Variants in SALL2 observed in about 807,000 individuals in gnomAD.
The protein encoded by SALL2 is spalt like transcription factor 2.
A neutral mutation model predicts 58.5 loss-of-function variants in SALL2; 32 were observed. The observed-to-expected ratio is 0.55, with a 90% confidence interval of 0.41 to 0.74. The LOEUF (loss-of-function observed/expected upper bound fraction) is 0.74. Among genes scored for constraint, SALL2 ranks in the 30% least tolerant of loss-of-function variants. The pLI is 0.00. For synonymous variants in SALL2, 516 were observed against 513.6 expected (o/e 1.00, Z -0.06); for missense variants, 1,201 against 1,268.9 (o/e 0.95, Z 0.81).
Position 21,522,784 on chromosome 14 carries a change from G to T in SALL2, c.2938C>A (p.Leu980Ile), listed in dbSNP as rs891757703. Residue 980 changes from leucine (L) to isoleucine (I), a missense_variant, in exon 2 of 2, where the codon CTA (leucine) becomes ATA (isoleucine). Leu to Ile is a conservative substitution (Grantham distance 5). Transcript: ENST00000537235. ...ATGGAAGGCGAACAGCCAGGGACTA[G>T]AGAAAGAGCAGCAATATTCTGAGGG... ...HGPQNIAALSLVPGCSPSITS... is the reference protein window; with the variant it reads ...HGPQNIAALSIVPGCSPSITS... 1.3e-6 allele frequency: 2 copies of T among 1,594,546 alleles called. No individual in the cohort carries two copies. The highest frequency in any genetic ancestry group is 2.7e-5 in the African/African-American group (2 of 74,192).
Position 21,524,678 on chromosome 14 carries a change from T to C in SALL2, c.1044A>G (p.Pro348=). 6.2e-7 allele frequency: 1 copy of C among 1,614,088 alleles called. No individual in the cohort carries two copies. Among genetic ancestry groups the C allele is most frequent in the Non-Finnish European group, 8.5e-7 (1 of 1,180,026 alleles). Residue 348 remains proline, a synonymous_variant, in exon 2 of 2, where the codon CCA becomes CCG. Coordinates refer to ENST00000537235, the MANE Select transcript of SALL2 (RefSeq NM_001364564.1). The stretch of plus-strand genomic sequence containing the variant: ...AGCTCAGCTCACCACTTCCATTCTT[T>C]GGCTTCAGGAGCCCTGGGGAGGCAG... The part of the protein sequence containing the change: ...EATASPGLLK[P]KNGSGELSYG...
chr14:21,537,097 G>C (rs933283538), exon 1 of SALL2: 15 of 592,936 alleles, frequency 2.5e-5, no homozygotes, highest in Admixed American at 1.2e-4. Flanking sequence ...CTCTCTCTCT[G>C]ATTCTCTGTT....
At position 21,521,402 on chromosome 14, in the gene SALL2, G is replaced by A. The variant is rs1892024155; in HGVS notation, c.*1302C>T. On this transcript the variant is annotated 3_prime_UTR_variant, in exon 2 of 2. Coordinates refer to ENST00000537235, the MANE Select transcript of SALL2 (RefSeq NM_001364564.1). ...CCCAGCCTACGGATAGGCAAAATGGGTAGGGGTCTTGAAAGAGGAAGATAA... is the reference window on the plus strand; with the variant it reads ...CCCAGCCTACGGATAGGCAAAATGGATAGGGGTCTTGAAAGAGGAAGATAA... The A allele has an allele frequency of 6.6e-6, 1 of 152,430 alleles. No individual in the cohort carries two copies. The highest frequency in any genetic ancestry group is 6.5e-5 in the Admixed American group (1 of 15,286). The allele number at this position is 152,430 out of a possible 1,614,324, so 9.4% of individuals were successfully genotyped here.
rs2139669744 is a variant in SALL2 at position 21,524,407 on chromosome 14, G to A, written c.1315C>T (p.Leu439=). 2 of 1,614,222 alleles carry A rather than the reference G, an allele frequency of 1.2e-6. No homozygotes were observed. The highest frequency in any genetic ancestry group is 2.2e-5 in the East Asian group (1 of 44,882). The change falls in exon 2 of 2, where the codon CTA becomes TTA. Residue 439 remains leucine (L), a synonymous_variant. Coordinates refer to ENST00000537235, the MANE Select transcript of SALL2 (RefSeq NM_001364564.1). The stretch of plus-strand genomic sequence containing the variant: ...CCACTGCTGGTAATGACATAGTCTA[G>A]GTGCTCTGGTACTGGGTGTGGGTTC... The part of the protein sequence containing the change: ...QMNPHPVPEH[L]DYVITSSGLP...
In SALL2 at chr14:21,525,239, A is replaced by G. The variant is rs776837758; in HGVS notation, c.483T>C (p.Pro161=). The change falls in exon 2 of 2, where the codon CCT becomes CCC. Residue 161 remains proline (P), a synonymous_variant. Coordinates refer to ENST00000537235, the MANE Select transcript of SALL2 (RefSeq NM_001364564.1). The surrounding 1 kb of genome is among the most constrained non-coding windows in gnomAD (Gnocchi z 4.4). The stretch of plus-strand genomic sequence containing the variant: ...CCCCTGGGGGCGGAGGGGGTGGTGG[A>G]GGAGGAGGGGGTGCAGGGGTCGATT... The part of the protein sequence containing the change: ...PPESTPAPPP[P]PPPPPPPGVG... The G allele has an allele frequency of 6.3e-7, 1 of 1,579,348 alleles. No individual in the cohort carries two copies. The highest frequency in any genetic ancestry group is 8.7e-7 in the Non-Finnish European group (1 of 1,151,686).
intron 1 of SALL2, 38 bp downstream of exon 1, chr14:21,526,023 G>GCCCCCCCC: frequency 1.1e-6 from 1 of 898,722 alleles, no homozygotes; most frequent in Non-Finnish European, 1.7e-6. Flanking sequence ...ATCCCCCTCC[G>GCCCCCCCC]CCCCCACCCC....
chr14:21,531,483 C>G (rs1260877435), intron 1 of SALL2, among the ~76,000 whole-genome samples: 3 of 150,220 alleles, frequency 2.0e-5, no homozygotes, highest in Admixed American at 6.6e-5. Flanking sequence ...CTTAGCTCAC[C>G]GCAACCTCCG....
Position 21,524,418 on chromosome 14 carries a change from A to G in SALL2, c.1304T>C (p.Val435Ala). 1.2e-6 allele frequency: 2 copies of G among 1,614,206 alleles called. No individual in the cohort carries two copies. The highest frequency in any genetic ancestry group is 1.7e-6 in the Non-Finnish European group (2 of 1,180,040). ...YPHVQMNPHP[V>A]PEHLDYVITS... ...AATGACATAGTCTAGGTGCTCTGGT[A>G]CTGGGTGTGGGTTCATCTGCACATG... is the stretch of plus-strand genomic sequence containing the variant. The change falls in exon 2 of 2, where the codon GTA (valine) becomes GCA (alanine). Residue 435 changes from valine (V) to alanine (A), a missense_variant. Val to Ala is a moderately conservative substitution (Grantham distance 64, BLOSUM62 0). This residue lies in a region of SALL2 where 59 missense variants were observed against 116.2 expected (regional missense o/e 0.51). Transcript: ENST00000537235.
upstream of SALL2, chr14:21,526,611 G>A (rs1241960099): frequency 6.8e-6 from 4 of 587,084 alleles, no homozygotes; most frequent in South Asian, 5.0e-5. Context: ...TAAGCTCTAG[G>A]GGCACAGTGG....
In SALL2 at chr14:21,523,569, T is replaced by A; in HGVS notation, c.2153A>T (p.Asn718Ile). Residue 718 changes from asparagine to isoleucine, a missense_variant, in exon 2 of 2, where the codon AAC (asparagine) becomes ATC (isoleucine). By Grantham distance (149) the Asn-to-Ile change is moderately radical. Coordinates refer to ENST00000537235, the MANE Select transcript of SALL2 (RefSeq NM_001364564.1). This position sits in a 1 kb window ranked among gnomAD's most constrained non-coding sequence, Gnocchi z 4.4. ...VRMHLGGQIP[N>I]GGTALPEGGG... is the part of the protein sequence containing the mutation. ...ACCTTCAGGGAGTGCAGTACCACCG[T>A]TGGGGATCTGGCCCCCCAGGTGCAT... 6.2e-7 allele frequency: 1 copy of A among 1,614,218 alleles called. No individual in the cohort carries two copies.
chr14:21,530,367 AACCTCC>A (rs1467761103), upstream of SALL2, among the ~76,000 whole-genome samples: 1 of 132,116 alleles, frequency 7.6e-6, no homozygotes, highest in Non-Finnish European at 1.5e-5. Flanking sequence ...GGCTCACCGC[AACCTCC>A]ACCTCCCAGG....
intron 1 of SALL2, chr14:21,536,808 G>A: frequency 6.4e-7 from 1 of 1,573,544 alleles, no homozygotes; most frequent in Non-Finnish European, 8.7e-7. Flanking sequence ...GACCCACACA[G>A]GCTTGGACTT....
chr14:21,533,922 A>G (rs1199709187), intron 1 of SALL2, among the ~76,000 whole-genome samples: 3 of 152,210 alleles, frequency 2.0e-5, no homozygotes, highest in African/African-American at 4.8e-5. Context: ...GATGATATCC[A>G]TAATTTCACA....
rs185246343 is a variant in SALL2, at chr14:21,522,824, G to A, written c.2898C>T (p.Pro966=). 4 of 1,609,436 alleles carry A rather than the reference G, an allele frequency of 2.5e-6. 1 individual carries two copies. Among genetic ancestry groups the A allele is most frequent in the South Asian group, 2.2e-5 (2 of 90,210 alleles). Residue 966 remains proline (P), a synonymous_variant, in exon 2 of 2, where the codon CCC becomes CCT. Coordinates refer to ENST00000537235, the MANE Select transcript of SALL2 (RefSeq NM_001364564.1). The part of the protein sequence containing the change: ...HMLLAHHQVQ[P]FAPHGPQNIA... ...TATTCTGAGGGCCATGGGGGGCAAA[G>A]GGCTGTACCTGGTGGTGTGCCAGGA...
chr14:21,528,069 T>A (rs1437794523), upstream of SALL2, among the ~76,000 whole-genome samples: 1 of 149,492 alleles, frequency 6.7e-6, no homozygotes, highest in Non-Finnish European at 1.5e-5. Context: ...ACCCAGGAGG[T>A]GGAGGTTGCA....
chr14:21,526,334 A>G lies in SALL2; in HGVS notation c.-207T>C. The G allele has an allele frequency of 2.2e-6, 3 of 1,386,316 alleles. No individual in the cohort carries two copies. The South Asian group carries it at 4.5e-5, about 21-fold the overall frequency. 85.9% of individuals were successfully genotyped at this position (1,386,316 alleles called of 1,614,324 possible). A position where few individuals can be genotyped will look rare whatever the true frequency, so the allele number is the denominator to read the frequency against. On this transcript the variant is annotated 5_prime_UTR_variant, in exon 1 of 2. Coordinates refer to ENST00000537235, the MANE Select transcript of SALL2 (RefSeq NM_001364564.1). ...GAGAAGCTGGAGTGAGAAAGCGGGG[A>G]GAGGGGAGATCTGGGAGGAGCTGAT...
Position 21,521,904 on chromosome 14 carries a change from C to T in SALL2, c.*800G>A. ...ACTGGGAAAATTTTCCTATGCCCTT[C>T]CTTCATTTCTCCCTACTTCCTAGGG... is the stretch of plus-strand genomic sequence containing the variant. On this transcript the variant is annotated 3_prime_UTR_variant, in exon 2 of 2. Transcript: ENST00000537235. 1.4e-6 allele frequency: 2 copies of T among 1,387,608 alleles called. No homozygotes were observed. Among genetic ancestry groups the T allele is most frequent in the African/African-American group, 2.9e-5 (2 of 69,274 alleles). The allele number at this position is 1,387,608 out of a possible 1,614,324, so 86.0% of individuals were successfully genotyped here.
At position 21,525,249 on chromosome 14, in the gene SALL2, G is replaced by T. The variant is rs1405199075; in HGVS notation, c.473C>A (p.Pro158His). The change falls in exon 2 of 2, where the codon CCC becomes CAC. Residue 158 changes from proline (P) to histidine (H), a missense_variant. By Grantham distance (77) the Pro-to-His change is moderately conservative (BLOSUM62 -2). Transcript: ENST00000537235. This position sits in a 1 kb window ranked among gnomAD's most constrained non-coding sequence, Gnocchi z 4.4. Reference sequence around the variant, plus strand: ...CGGAGGGGGTGGTGGAGGAGGAGGGGGTGCAGGGGTCGATTCTGGAGGTAA... The same window carrying T: ...CGGAGGGGGTGGTGGAGGAGGAGGGTGTGCAGGGGTCGATTCTGGAGGTAA... ...TPLPPESTPAPPPPPPPPPPP... is the reference protein window; with the variant it reads ...TPLPPESTPAHPPPPPPPPPP... The T allele has an allele frequency of 6.2e-7, 1 of 1,612,234 alleles. No homozygotes were observed. Among genetic ancestry groups the T allele is most frequent in the Non-Finnish European group, 8.5e-7 (1 of 1,178,980 alleles).
Position 21,524,724 on chromosome 14 carries a change from G to A in SALL2, c.998C>T (p.Ala333Val). 1 of 1,612,632 alleles carries A rather than the reference G, an allele frequency of 6.2e-7. No individual in the cohort carries two copies. Among genetic ancestry groups the A allele is most frequent in the Non-Finnish European group, 8.5e-7 (1 of 1,179,364 alleles). ...TGLLAAQCLG[A>V]ARGLEATASP... ...GGCAGTGGCCTCAAGGCCTCGGGCT[G>A]CCCCAAGACACTGTGCTGCCAGTAG... Residue 333 changes from alanine to valine, a missense_variant, in exon 2 of 2, where the codon GCA becomes GTA. Ala to Val is a moderately conservative substitution (Grantham distance 64). This residue lies in a region of SALL2 where 467 missense variants were observed against 468.9 expected (regional missense o/e 1.00). Coordinates refer to ENST00000537235, the MANE Select transcript of SALL2 (RefSeq NM_001364564.1).
Sources: allele counts gnomAD v4.1 joint callset (sites outside exome capture counted in the v4.1 genomes callset), GRCh38; gene constraint gnomAD v4.1.1; regional missense constraint gnomAD v4.1.1; non-coding constraint Gnocchi (gnomAD v3.1); transcripts MANE v1.5; gene names NCBI Gene and HGNC (gene_info 2026-07-23, HGNC 2026-07-21).